Variants in WWC2 observed in about 807,000 individuals in gnomAD.
WWC2 encodes the protein protein WWC2.
WWC2 carries 101 observed loss-of-function variants against 138.5 expected under a neutral mutation model. That is an observed-to-expected ratio of 0.73 (90% confidence interval 0.62 to 0.86). WWC2 has a LOEUF of 0.86. Ranked by LOEUF, WWC2 falls within the 40% of genes least tolerant of loss-of-function variation. The pLI is 0.00. For synonymous variants in WWC2, 558 were observed against 538.4 expected, an observed-to-expected ratio of 1.04 and a Z score of -0.50; for missense variants, 1,420 against 1,419.4, an observed-to-expected ratio of 1.00 and a Z score of -0.01.
intron 1 of WWC2, among the ~76,000 whole-genome samples, chr4:183,118,604 T>G (rs1239439647): frequency 3.9e-5 from 6 of 152,256 alleles, no homozygotes; most frequent in Non-Finnish European, 1.5e-5. Context: ...GACAAATACA[T>G]GAATCTTAAC....
intron 8 of WWC2, among the ~76,000 whole-genome samples, chr4:183,253,545 G>T (rs892270879): frequency 9.2e-5 from 14 of 152,074 alleles, no homozygotes; most frequent in Non-Finnish European, 1.6e-4. Context: ...GAAAGAAGTG[G>T]GTGACAGCTG....
At chr4:183,157,693 G>C (rs1376252697) in intron 1 of WWC2, among the ~76,000 whole-genome samples, 1 of 152,022 alleles carries the variant, frequency 6.6e-6, no homozygotes, top group East Asian at 1.9e-4. Flanking sequence ...AGTAAAGAAG[G>C]GGTTTCACCG....
chr4:183,174,828 G>A (rs928736406), intron 1 of WWC2, among the ~76,000 whole-genome samples: 2 of 145,944 alleles, frequency 1.4e-5, no homozygotes, highest in Non-Finnish European at 3.0e-5. Context: ...TCTCTTTTGC[G>A]CTCTCTCTCT....
chr4:183,211,149 C>A (rs922545253), intron 4 of WWC2, among the ~76,000 whole-genome samples: 1 of 152,076 alleles, frequency 6.6e-6, no homozygotes, highest in African/African-American at 2.4e-5. Flanking sequence ...TTATTATTGA[C>A]ATCAACTTAA....
intron 1 of WWC2, among the ~76,000 whole-genome samples, chr4:183,176,862 A>G (rs1734484778): frequency 6.6e-6 from 1 of 152,220 alleles, no homozygotes; most frequent in South Asian, 2.1e-4. Flanking sequence ...CTCACACTCC[A>G]GGCAGAACGC....
intron 4 of WWC2, among the ~76,000 whole-genome samples, chr4:183,209,746 C>T (rs1431986381): frequency 6.6e-6 from 1 of 152,172 alleles, no homozygotes; most frequent in African/African-American, 2.4e-5. Flanking sequence ...GAGGTGTTTC[C>T]TGAATCTTGG....
chr4:183,266,394 T>G (rs748826309), intron 14 of WWC2, among the ~76,000 whole-genome samples: 2 of 152,232 alleles, frequency 1.3e-5, no homozygotes, highest in Non-Finnish European at 2.9e-5. Context: ...TATGTTTTTA[T>G]CATCAAGCAT....
At chr4:183,261,624 G>A (rs929791088) in intron 11 of WWC2, 92 bp downstream of exon 11, 4 of 1,372,760 alleles carry the variant, frequency 2.9e-6, no homozygotes, top group African/African-American at 1.5e-5. Flanking sequence ...CAAAGGGTAT[G>A]ATTCCCCTTC....
intron 22 of WWC2, among the ~76,000 whole-genome samples, chr4:183,315,129 C>T (rs1187011624): frequency 6.6e-6 from 1 of 152,236 alleles, no homozygotes; most frequent in Non-Finnish European, 1.5e-5. Flanking sequence ...CCGCTCTGCC[C>T]TGTCTCAGCC....
intron 4 of WWC2, among the ~76,000 whole-genome samples, chr4:183,230,637 A>G (rs1387771750): frequency 6.6e-6 from 1 of 152,178 alleles, no homozygotes; most frequent in Non-Finnish European, 1.5e-5. Flanking sequence ...AGATTGTGTC[A>G]TTGCACCCAG....
chr4:183,121,354 T>C (rs1732594075), intron 1 of WWC2, among the ~76,000 whole-genome samples: 1 of 152,166 alleles, frequency 6.6e-6, no homozygotes, highest in South Asian at 2.1e-4. Flanking sequence ...ATTTTTTTTT[T>C]TTAAATTTTG....
intron 4 of WWC2, chr4:183,233,502 ATT>A (rs1478252609): frequency 1.3e-5 from 2 of 151,858 alleles, no homozygotes; most frequent in Non-Finnish European, 2.9e-5. Flanking sequence ...CCTTCCATAT[ATT>A]AATATTTATC....
intron 4 of WWC2, among the ~76,000 whole-genome samples, chr4:183,222,482 A>G (rs938917260): frequency 6.6e-6 from 1 of 152,108 alleles, no homozygotes; most frequent in Non-Finnish European, 1.5e-5. Flanking sequence ...TAGTGGTCCT[A>G]TCTAGAGAAA....
At chr4:183,113,505 TGTGTGTGTGTG>T (rs1732308355) in intron 1 of WWC2, among the ~76,000 whole-genome samples, 2 of 146,748 alleles carry the variant, frequency 1.4e-5, no homozygotes, top group African/African-American at 5.3e-5. Context: ...TGTGTGTGTG[TGTGTGTGTGTG>T]CGCGCGCGTG....
At chr4:183,297,178 G>T (rs985493463) in intron 21 of WWC2, among the ~76,000 whole-genome samples, 1 of 151,802 alleles carries the variant, frequency 6.6e-6, no homozygotes, top group South Asian at 2.1e-4. Context: ...TCACTGTATT[G>T]CCCAGGCTGG....
intron 1 of WWC2, among the ~76,000 whole-genome samples, chr4:183,159,586 G>A (rs1733899860): frequency 6.6e-6 from 1 of 151,946 alleles, no homozygotes; most frequent in East Asian, 1.9e-4. Context: ...TGTATTTTCA[G>A]TAGAGACCAG....
Position 183,312,434 on chromosome 4 carries a change from A to G in WWC2, c.3478A>G (p.Ser1160Gly), listed in dbSNP as rs1739286359. The G allele has an allele frequency of 6.2e-7, 1 of 1,613,876 alleles. No individual in the cohort carries two copies. The highest frequency in any genetic ancestry group is 8.5e-7 in the Non-Finnish European group (1 of 1,179,788). The change falls in exon 22 of 23, where the codon AGC (serine) becomes GGC (glycine). Residue 1160 changes from serine to glycine, a missense_variant. By Grantham distance (56) the Ser-to-Gly change is moderately conservative. Transcript: ENST00000403733. The stretch of plus-strand genomic sequence containing the variant: ...GGACGTGTGTCGGCTCCGGGAGCAG[A>G]GCCAGAAGGTGCCTCGGCAGGTGCA... ...SKDVCRLREQ[S>G]QKVPRQVQSF... is the part of the protein sequence containing the mutation.
intron 2 of WWC2, among the ~76,000 whole-genome samples, chr4:183,198,789 T>TAA (rs56182831): frequency 0.88 from 63,527 of 72,290 alleles, 29,060 homozygotes; most frequent in Middle Eastern, 0.95. Flanking sequence ...CTCGTCTCTT[T>TAA]AAAAAAAAAA....
At chr4:183,255,362 GT>G (rs1332628885) in intron 9 of WWC2, among the ~76,000 whole-genome samples, 1 of 151,912 alleles carries the variant, frequency 6.6e-6, no homozygotes, top group Non-Finnish European at 1.5e-5. Context: ...GAATTAATTT[GT>G]TTTTGTTGTT....
Sources: gnomAD v4.1 joint callset for allele counts (sites outside exome capture counted in the v4.1 genomes callset) on GRCh38, gnomAD v4.1.1 for gene constraint, MANE v1.5 for transcripts, NCBI Gene and HGNC (gene_info 2026-07-23, HGNC 2026-07-21) for gene names.